The following EPB41L4B variants were observed in gnomAD, a reference collection of about 807,000 sequenced individuals.
EPB41L4B encodes the protein band 4.1-like protein 4B.
Under a neutral mutation model 112.5 loss-of-function variants are expected in EPB41L4B, and 30 were observed. That is an observed-to-expected ratio of 0.27 (90% CI 0.20 to 0.36). The LOEUF is 0.36. Among genes scored for constraint, EPB41L4B ranks in the 10% least tolerant of loss-of-function variants. The pLI is 1.00. For missense variants in EPB41L4B, 1,024 were observed against 1,133.3 expected (o/e 0.90, Z 1.38); for synonymous variants, 408 against 439.7 (o/e 0.93, Z 0.90).
intron 3 of EPB41L4B, 138 bp from the exon 4 acceptor site, chr9:109,267,689 G>A: frequency 1.7e-6 from 1 of 599,204 alleles, no homozygotes. Flanking sequence ...CGCGACACTA[G>A]CCAATTCTTT....
intron 1 of EPB41L4B, among the ~76,000 whole-genome samples, chr9:109,313,503 C>G (rs796916662): frequency 3.3e-5 from 5 of 152,364 alleles, no homozygotes; most frequent in African/African-American, 1.2e-4. Flanking sequence ...GTAGCAGAGT[C>G]ACAGGCATCC....
intron 15 of EPB41L4B, among the ~76,000 whole-genome samples, chr9:109,226,617 T>TAC (rs1833766577): frequency 9.6e-6 from 1 of 104,136 alleles, no homozygotes. Context: ...CATATATATA[T>TAC]ATATATATAT....
At chr9:109,183,260 C>G (rs1832132660) in intron 23 of EPB41L4B, among the ~76,000 whole-genome samples, 1 of 152,164 alleles carries the variant, frequency 6.6e-6, no homozygotes, top group East Asian at 1.9e-4. Flanking sequence ...AGGCAGGGTA[C>G]AAGGCGGCTG....
chr9:109,268,155 C>A (rs954387134), intron 3 of EPB41L4B, among the ~76,000 whole-genome samples: 4 of 152,150 alleles, frequency 2.6e-5, no homozygotes, highest in African/African-American at 7.2e-5. Flanking sequence ...TTGGCAGAGG[C>A]GTCTGATTTC....
intron 6 of EPB41L4B, among the ~76,000 whole-genome samples, chr9:109,259,182 C>T (rs1835102098): frequency 6.6e-6 from 1 of 152,180 alleles, no homozygotes; most frequent in African/African-American, 2.4e-5. Context: ...GAAACCCCAC[C>T]CCAGACCTAT....
chr9:109,269,385 A>T (rs1016248804), intron 2 of EPB41L4B, among the ~76,000 whole-genome samples: 1 of 152,190 alleles, frequency 6.6e-6, no homozygotes, highest in Admixed American at 6.5e-5. Context: ...GCCTCACACA[A>T]AAGTTTCTCT....
intron 15 of EPB41L4B, among the ~76,000 whole-genome samples, chr9:109,232,621 G>A (rs927545217): frequency 3.3e-5 from 5 of 152,112 alleles, no homozygotes; most frequent in Admixed American, 3.3e-4. Context: ...CCGGCTCACT[G>A]AATGAATGAA....
At chr9:109,315,427 A>T (rs1245757372) in intron 1 of EPB41L4B, among the ~76,000 whole-genome samples, 1 of 152,188 alleles carries the variant, frequency 6.6e-6, no homozygotes, top group Non-Finnish European at 1.5e-5. Flanking sequence ...TGAAGTTGGG[A>T]TCATTTTTTC....
rs754140891 is a variant in EPB41L4B at position 109,207,955 on chromosome 9, T to G, written c.1847A>C (p.Gln616Pro). ...GTTCACTCGGGAAGCATTTTCCAACTGGGCTTTCAGAATGTTACACTTCAC... is the reference window on the plus strand; with the variant it reads ...GTTCACTCGGGAAGCATTTTCCAACGGGGCTTTCAGAATGTTACACTTCAC... ...DHVKCNILKA[Q>P]LENASRVNIQ... The change falls in exon 18 of 26, where the codon CAG becomes CCG. Residue 616 changes from glutamine to proline, a missense_variant. Coordinates refer to ENST00000374566, the MANE Select transcript of EPB41L4B (RefSeq NM_019114.5). 43 of 1,614,144 alleles carry G rather than the reference T, an allele frequency of 2.7e-5. No homozygotes were observed. The highest frequency in any genetic ancestry group is 3.5e-5 in the Non-Finnish European group (41 of 1,180,020).
intron 18 of EPB41L4B, among the ~76,000 whole-genome samples, chr9:109,204,735 G>C (rs1046732717): frequency 1.3e-5 from 2 of 152,088 alleles, no homozygotes; most frequent in African/African-American, 4.8e-5. Context: ...GGGCTCAAGC[G>C]ATCTGCCCAC....
At chr9:109,319,996 G>T in intron 1 of EPB41L4B, 145 bp downstream of exon 1, 1 of 664,936 alleles carries the variant, frequency 1.5e-6, no homozygotes, top group Non-Finnish European at 2.1e-6. Context: ...GAAGAAAAAG[G>T]GTTGAGGAGT....
rs754320233 is a variant in EPB41L4B, at chr9:109,176,588, T to C, written c.2596A>G (p.Ile866Val). Residue 866 changes from isoleucine to valine, a missense_variant, in exon 25 of 26, where the codon ATT (isoleucine) becomes GTT (valine). Coordinates refer to ENST00000374566, the MANE Select transcript of EPB41L4B (RefSeq NM_019114.5). Reference protein sequence around the residue: ...LTETVSTVQTIYTTRKPVSLA... With the variant: ...LTETVSTVQTVYTTRKPVSLA... ...GAAACAGGTTTCCGGGTGGTGTAAA[T>C]GGTCTGCACTGTGGAGACGGTCTCT... is the stretch of plus-strand genomic sequence containing the variant. The C allele has an allele frequency of 9.3e-6, 15 of 1,611,878 alleles. No homozygotes were observed. The Admixed American group carries it at 1.7e-4, about 18-fold the overall frequency.
intron 22 of EPB41L4B, among the ~76,000 whole-genome samples, chr9:109,188,725 C>G (rs1005698339): frequency 1.3e-5 from 2 of 152,324 alleles, no homozygotes; most frequent in African/African-American, 4.8e-5. Context: ...CCTACACAGC[C>G]TTCCTCTGGC....
chr9:109,204,447 T>C (rs1442999831), intron 18 of EPB41L4B, among the ~76,000 whole-genome samples: 4 of 152,218 alleles, frequency 2.6e-5, no homozygotes, highest in Non-Finnish European at 4.4e-5. Context: ...TGCCCACATA[T>C]AGATCCAGTC....
chr9:109,229,819 G>A (rs563919200), intron 15 of EPB41L4B, among the ~76,000 whole-genome samples: 2 of 152,254 alleles, frequency 1.3e-5, no homozygotes, highest in East Asian at 3.9e-4. Context: ...CAGGACATGG[G>A]GAGCCTGGAG....
In EPB41L4B at chr9:109,320,821, G is replaced by GGGCTGCT. The variant is rs1156957564; in HGVS notation, c.-382_-376dup. 2.1e-5 allele frequency: 3 copies of GGGCTGCT among 145,088 alleles called. No individual in the cohort carries two copies. Among genetic ancestry groups the GGGCTGCT allele is most frequent in the African/African-American group, 7.4e-5 (3 of 40,418 alleles). The allele number at this position is 145,088 out of a possible 1,614,324, so 9.0% of individuals were successfully genotyped here. On this transcript the variant is annotated 5_prime_UTR_variant, in exon 1 of 26. Coordinates refer to ENST00000374566, the MANE Select transcript of EPB41L4B (RefSeq NM_019114.5). The stretch of plus-strand genomic sequence containing the variant: ...GCCGGGGGCGCGGGAGGCGGGCTGC[G>GGGCTGCT]GGCTGCTCCCGCGCCGCGCGCCGGC...
intron 15 of EPB41L4B, among the ~76,000 whole-genome samples, chr9:109,236,817 TC>T (rs1834159330): frequency 6.6e-6 from 1 of 152,204 alleles, no homozygotes; most frequent in Admixed American, 6.5e-5. Context: ...TTGCTTTTTC[TC>T]TCCGCCCCCT....
In EPB41L4B at chr9:109,208,125, A is replaced by G. The variant is rs956499066; in HGVS notation, c.1753-76T>C. The G allele has an allele frequency of 9.7e-6, 15 of 1,542,842 alleles. No homozygotes were observed. In the African/African-American group the frequency reaches 1.1e-4, roughly 11 times the overall value. ...TGTGCATTAACTTTTCCCAATAATC[A>G]TAACTGCATATAACACAGACCTACA... On this transcript the variant is annotated intron_variant, in intron 17 of 25. Coordinates refer to ENST00000374566, the MANE Select transcript of EPB41L4B (RefSeq NM_019114.5).
At chr9:109,285,571 G>C (rs1176843981) in intron 1 of EPB41L4B, among the ~76,000 whole-genome samples, 1 of 152,102 alleles carries the variant, frequency 6.6e-6, no homozygotes, top group African/African-American at 2.4e-5. Context: ...CCAGCTTCAA[G>C]AATAATCTGG....
Sources: allele counts gnomAD v4.1 joint callset (sites outside exome capture counted in the v4.1 genomes callset), GRCh38; gene constraint gnomAD v4.1.1; transcripts MANE v1.5; gene names NCBI Gene and HGNC (gene_info 2026-07-23, HGNC 2026-07-21).